The following EGFLAM variants were observed in gnomAD, a reference collection of about 807,000 sequenced individuals.
EGFLAM encodes the protein pikachurin.
Under a neutral mutation model 113.1 loss-of-function variants are expected in EGFLAM, and 79 were observed. The observed-to-expected ratio is 0.70, with a 90% CI of 0.58 to 0.84. EGFLAM has a LOEUF of 0.84. Ranked by LOEUF, EGFLAM falls within the 40% of genes least tolerant of loss-of-function variation. The pLI is 0.00. For missense variants in EGFLAM, 1,265 were observed against 1,291.6 expected (o/e 0.98, Z 0.32); for synonymous variants, 504 against 487.6 (o/e 1.03, Z -0.44).
intron 1 of EGFLAM, among the ~76,000 whole-genome samples, chr5:38,334,670 G>C (rs915656657): frequency 3.3e-5 from 5 of 152,098 alleles, no homozygotes; most frequent in Admixed American, 6.5e-5. Context: ...TTTTCTCCTA[G>C]TCTGTGGCTT....
chr5:38,287,885 T>C (rs577391357), intron 1 of EGFLAM, among the ~76,000 whole-genome samples: 123 of 152,344 alleles, frequency 8.1e-4, no homozygotes, highest in African/African-American at 2.9e-3. Flanking sequence ...TTAGCAATTG[T>C]TTATTTAATT....
chr5:38,265,083 G>A (rs887784527), intron 1 of EGFLAM, among the ~76,000 whole-genome samples: 11 of 152,188 alleles, frequency 7.2e-5, no homozygotes, highest in Non-Finnish European at 1.3e-4. Context: ...TTAATGTGAG[G>A]CAAGACTTGT....
chr5:38,343,778 G>C (rs997438378), intron 3 of EGFLAM, among the ~76,000 whole-genome samples: 1 of 152,186 alleles, frequency 6.6e-6, no homozygotes, highest in Non-Finnish European at 1.5e-5. Context: ...AGGCAACTGA[G>C]GCCCAGCCTT....
rs941540879 is a variant in EGFLAM, at chr5:38,430,580, C to T, written c.2055-597C>T. ...ATTGACAAAAATGATCCATAACATG[C>T]TAACCCATGCTTGGTTTCCTTCTAT... is the stretch of plus-strand genomic sequence containing the variant. On this transcript the variant is annotated intron_variant, in intron 14 of 21. Transcript: ENST00000322350. 2.6e-5 allele frequency among the ~76,000 whole-genome samples: 4 copies of T among 152,182 alleles called. No homozygotes were observed. In the East Asian group the frequency reaches 7.7e-4, roughly 29 times the overall value.
At chr5:38,380,726 T>G (rs1740488630) in intron 6 of EGFLAM, among the ~76,000 whole-genome samples, 1 of 152,238 alleles carries the variant, frequency 6.6e-6, no homozygotes, top group Non-Finnish European at 1.5e-5. Flanking sequence ...TCCATGCATG[T>G]AAATCTGAGC....
intron 5 of EGFLAM, among the ~76,000 whole-genome samples, chr5:38,361,487 G>A (rs952181758): frequency 1.3e-5 from 2 of 152,200 alleles, no homozygotes; most frequent in African/African-American, 4.8e-5. Context: ...GTGCTGGTAA[G>A]CATTTGGACA....
intron 5 of EGFLAM, among the ~76,000 whole-genome samples, chr5:38,369,483 A>G (rs961711251): frequency 6.6e-6 from 1 of 152,210 alleles, no homozygotes; most frequent in African/African-American, 2.4e-5. Context: ...AGTCCCTTGA[A>G]TAATGTCTGG....
chr5:38,462,280 C>A (rs1323943782), intron 20 of EGFLAM, among the ~76,000 whole-genome samples: 2 of 152,194 alleles, frequency 1.3e-5, no homozygotes, highest in Admixed American at 1.3e-4. Context: ...AGAATCCCAG[C>A]TCCCCATGGC....
chr5:38,411,703 G>A (rs1220039271), intron 10 of EGFLAM, among the ~76,000 whole-genome samples: 3 of 151,902 alleles, frequency 2.0e-5, no homozygotes, highest in Admixed American at 6.6e-5. Context: ...GGATGGTATC[G>A]AACTCCTGAG....
chr5:38,399,606 C>G (rs976334074), intron 6 of EGFLAM, among the ~76,000 whole-genome samples: 2 of 152,124 alleles, frequency 1.3e-5, no homozygotes, highest in African/African-American at 4.8e-5. Flanking sequence ...ATTAGCTTCC[C>G]TCCTTCAGAA....
At chr5:38,445,499 C>T (rs1579942108) in intron 17 of EGFLAM, 16 of 1,489,028 alleles carry the variant, frequency 1.1e-5, no homozygotes, top group Non-Finnish European at 1.4e-5. Context: ...GAGAGATTTC[C>T]AGTGGTTCCC....
intron 11 of EGFLAM, among the ~76,000 whole-genome samples, chr5:38,414,267 G>A (rs943582962): frequency 1.3e-5 from 2 of 152,188 alleles, no homozygotes; most frequent in African/African-American, 2.4e-5. Context: ...CAGGGTCAGC[G>A]AACTGCATCA....
chr5:38,263,406 G>A (rs1464328072), intron 1 of EGFLAM, among the ~76,000 whole-genome samples: 1 of 152,194 alleles, frequency 6.6e-6, no homozygotes, highest in Admixed American at 6.5e-5. Flanking sequence ...AGGTTACCAT[G>A]AGCCAAGATC....
chr5:38,304,688 A>T (rs1758682179), intron 1 of EGFLAM, among the ~76,000 whole-genome samples: 1 of 152,244 alleles, frequency 6.6e-6, no homozygotes, highest in African/African-American at 2.4e-5. Flanking sequence ...ATGAACACTT[A>T]AATATGAGCA....
chr5:38,341,292 G>A (rs1371712052), intron 3 of EGFLAM, among the ~76,000 whole-genome samples: 1 of 152,166 alleles, frequency 6.6e-6, no homozygotes, highest in Non-Finnish European at 1.5e-5. Context: ...GGCTGGGGAG[G>A]CCTCAGGAGA....
rs753147770 is a variant in EGFLAM at position 38,451,414 on chromosome 5, C to T, written c.2643C>T (p.Ser881=). Residue 881 remains serine (S), a synonymous_variant, in exon 19 of 22, where the codon AGC becomes AGT. Coordinates refer to ENST00000322350, the MANE Select transcript of EGFLAM (RefSeq NM_152403.4). ...GAGACAGCCCCATGAGACCCAACAG[C>T]GACTTCATTTCCTTGGGCCTTCGGG... The part of the protein sequence containing the change: ...WRGDSPMRPN[S]DFISLGLRDG... 15 of 1,614,212 alleles carry T rather than the reference C, an allele frequency of 9.3e-6. No individual in the cohort carries two copies. The highest frequency in any genetic ancestry group is 4.5e-5 in the East Asian group (2 of 44,878).
intron 6 of EGFLAM, among the ~76,000 whole-genome samples, chr5:38,402,624 C>G (rs528323378): frequency 2.0e-5 from 3 of 152,150 alleles, no homozygotes; most frequent in Non-Finnish European, 4.4e-5. Flanking sequence ...AGGTAAATTA[C>G]TTAACTACTC....
At chr5:38,379,115 G>C (rs937121169) in intron 6 of EGFLAM, among the ~76,000 whole-genome samples, 13 of 152,208 alleles carry the variant, frequency 8.5e-5, no homozygotes, top group African/African-American at 2.4e-4. Flanking sequence ...TCCTCTCTGG[G>C]AAGTGGAAGA....
chr5:38,431,074 C>A, intron 14 of EGFLAM, 103 bp from the exon 15 acceptor site: 1 of 980,470 alleles, frequency 1.0e-6, no homozygotes, highest in Non-Finnish European at 1.5e-6. Flanking sequence ...ACCAGAAACA[C>A]ACTCACAGAC....
Sources: allele counts gnomAD v4.1 joint callset (sites outside exome capture counted in the v4.1 genomes callset), GRCh38; gene constraint gnomAD v4.1.1; transcripts MANE v1.5; gene names NCBI Gene and HGNC (gene_info 2026-07-23, HGNC 2026-07-21).